NRP2: variants seen among roughly 807,000 people sequenced by gnomAD.
The protein encoded by NRP2 is neuropilin 2.
In NRP2, 52 loss-of-function variants were observed where a neutral mutation model predicts 110.4. The ratio of observed to expected loss-of-function variants is 0.47; its 90% CI spans 0.38 to 0.59. The LOEUF (loss-of-function observed/expected upper bound fraction) is 0.59, where lower values mean the gene tolerates loss of function less well. Among genes scored for constraint, NRP2 ranks in the 20% least tolerant of loss-of-function variants. The pLI, the probability that NRP2 is intolerant of heterozygous loss-of-function variation, is 0.00. For missense variants in NRP2, 1,049 were observed against 1,203.0 expected (o/e 0.87, Z 1.89); for synonymous variants, 508 against 468.9 (o/e 1.08, Z -1.08).
intron 7 of NRP2, among the ~76,000 whole-genome samples, chr2:205,730,961 G>A (rs1235884433): frequency 6.6e-6 from 1 of 152,198 alleles, no homozygotes; most frequent in Non-Finnish European, 1.5e-5. Flanking sequence ...CATCCAACAG[G>A]TCATCATGAG....
At chr2:205,757,834 A>C (rs1182791388) in intron 12 of NRP2, among the ~76,000 whole-genome samples, 1 of 152,176 alleles carries the variant, frequency 6.6e-6, no homozygotes, top group East Asian at 1.9e-4. Context: ...TTCTTTAAGG[A>C]AGGTAGAAAA....
In NRP2 at chr2:205,794,272, G is replaced by A. The variant is rs909071211; in HGVS notation, c.2477-482G>A. 1.1e-4 allele frequency among the ~76,000 whole-genome samples: 17 copies of A among 151,964 alleles called. 1 individual carries two copies. In the East Asian group the frequency reaches 2.3e-3, roughly 21 times the overall value. On this transcript the variant is annotated intron_variant, in intron 16 of 16. Coordinates refer to ENST00000357785, the MANE Select transcript of NRP2 (RefSeq NM_003872.3). ...ACTACAGGCGCCCGCCACCACGCCC[G>A]GCTAATTTTTTGTATTTTTAGTAGA...
intron 2 of NRP2, among the ~76,000 whole-genome samples, chr2:205,710,470 A>G (rs1575569452): frequency 6.6e-6 from 1 of 152,264 alleles, no homozygotes; most frequent in Non-Finnish European, 1.5e-5. Flanking sequence ...AAATGTGAAC[A>G]GTTTGCAGAT....
At position 205,722,356 on chromosome 2, in the gene NRP2, C is replaced by A. The variant is rs2057037833; in HGVS notation, c.434-122C>A. ...GAGTATGTTGCTTCAAGGGCCACTC[C>A]AGTAGCAACAAAAACCTCAAGAGCA... On this transcript the variant is annotated intron_variant, in intron 3 of 16. Transcript: ENST00000357785. 8.9e-6 allele frequency: 7 copies of A among 786,228 alleles called. No individual in the cohort carries two copies. In the South Asian group the frequency reaches 1.0e-4, roughly 11 times the overall value. 48.7% of individuals were successfully genotyped at this position (786,228 alleles called of 1,614,324 possible). A position where few individuals can be genotyped will look rare whatever the true frequency, so the allele number is the denominator to read the frequency against.
At chr2:205,791,743 A>G (rs1197413961) in intron 15 of NRP2, among the ~76,000 whole-genome samples, 1 of 151,554 alleles carries the variant, frequency 6.6e-6, no homozygotes. Flanking sequence ...CTCTTAAATT[A>G]AAACATATAA....
chr2:205,765,809 T>C (rs936813358), intron 14 of NRP2: 2 of 642,660 alleles, frequency 3.1e-6, no homozygotes, highest in African/African-American at 1.8e-5. Flanking sequence ...AGACATGCAC[T>C]AAGTACATAG....
intron 7 of NRP2, among the ~76,000 whole-genome samples, chr2:205,735,573 G>A (rs1408689578): frequency 9.8e-6 from 1 of 102,042 alleles, no homozygotes; most frequent in African/African-American, 3.7e-5. Context: ...ATGCCTTGTG[G>A]ACTCACAGGA....
intron 14 of NRP2, among the ~76,000 whole-genome samples, chr2:205,765,998 C>T (rs1334196060): frequency 6.6e-6 from 1 of 152,156 alleles, no homozygotes; most frequent in Non-Finnish European, 1.5e-5. Context: ...ACACAATTAC[C>T]TGAGTAGTTA....
intron 10 of NRP2, among the ~76,000 whole-genome samples, chr2:205,749,049 T>TG (rs1342865196): frequency 6.6e-6 from 1 of 152,160 alleles, no homozygotes; most frequent in African/African-American, 2.4e-5. Flanking sequence ...GCTTTCTTGT[T>TG]GGGGGAAGGA....
intron 7 of NRP2, among the ~76,000 whole-genome samples, chr2:205,735,151 C>G (rs903554583): frequency 3.3e-5 from 5 of 152,136 alleles, no homozygotes; most frequent in South Asian, 2.1e-4. Flanking sequence ...GGCATGATGA[C>G]AGGTAGCATC....
chr2:205,791,808 AAAGAC>A (rs1170059771), intron 15 of NRP2, among the ~76,000 whole-genome samples: 1 of 152,214 alleles, frequency 6.6e-6, no homozygotes, highest in Non-Finnish European at 1.5e-5. Context: ...TCCAGAGGAG[AAAGAC>A]TCTGATGCTT....
Position 205,725,594 on chromosome 2 carries a change from T to A in NRP2, c.821-319T>A, listed in dbSNP as rs1406518634. Among the ~76,000 whole-genome samples, 1 of 152,226 alleles carries A rather than the reference T, an allele frequency of 6.6e-6. No homozygotes were observed. Among genetic ancestry groups the A allele is most frequent in the Non-Finnish European group, 1.5e-5 (1 of 68,028 alleles). ...TATCTCACATTTACCTGTATTGCAG[T>A]AATGGTGCATCTGGCATCTGTAGCC... On this transcript the variant is annotated intron_variant, in intron 5 of 16. Coordinates refer to ENST00000357785, the MANE Select transcript of NRP2 (RefSeq NM_003872.3). This position sits in a 1 kb window ranked among gnomAD's most constrained non-coding sequence, Gnocchi z 4.1.
rs1158345889 is a variant in NRP2, at chr2:205,725,057, T to A, written c.821-856T>A. Among the ~76,000 whole-genome samples the A allele has an allele frequency of 6.6e-6, 1 of 152,172 alleles. No individual in the cohort carries two copies. The highest frequency in any genetic ancestry group is 1.5e-5 in the Non-Finnish European group (1 of 68,032). On this transcript the variant is annotated intron_variant, in intron 5 of 16. Transcript: ENST00000357785. This position sits in a 1 kb window ranked among gnomAD's most constrained non-coding sequence, Gnocchi z 4.1. ...GATTGCAGACAACTCACCATATATATAACTACAGACACGGCAGCCTGGCCT... is the reference window on the plus strand; with the variant it reads ...GATTGCAGACAACTCACCATATATAAAACTACAGACACGGCAGCCTGGCCT...
rs1312181057 is a variant in NRP2 at position 205,722,724 on chromosome 2, A to G, written c.664+16A>G. 2.5e-6 allele frequency: 4 copies of G among 1,598,778 alleles called. No individual in the cohort carries two copies. The highest frequency in any genetic ancestry group is 2.6e-6 in the Non-Finnish European group (3 of 1,166,180). On this transcript the variant is annotated intron_variant, in intron 4 of 16. Coordinates refer to ENST00000357785, the MANE Select transcript of NRP2 (RefSeq NM_003872.3). Reference sequence around the variant, plus strand: ...ATTCCACATGGTGAGTGATGTCATGAGGCATTCCTCAGTAGCTTGGCCTTT... The same window carrying G: ...ATTCCACATGGTGAGTGATGTCATGGGGCATTCCTCAGTAGCTTGGCCTTT...
intron 11 of NRP2, among the ~76,000 whole-genome samples, chr2:205,750,882 A>G (rs1210279027): frequency 6.6e-6 from 1 of 152,230 alleles, no homozygotes; most frequent in Non-Finnish European, 1.5e-5. Flanking sequence ...GAAAATGGCT[A>G]CAAAGAAGAA....
Position 205,743,395 on chromosome 2 carries a change from C to G in NRP2, c.1484C>G (p.Pro495Arg). The change falls in exon 9 of 17, where the codon CCC (proline) becomes CGC (arginine). Residue 495 changes from proline (P) to arginine (R), a missense_variant. Coordinates refer to ENST00000357785, the MANE Select transcript of NRP2 (RefSeq NM_003872.3). ...EEWLQVDLGT[P>R]KTVKGVIIQG... ...TGGCTTCAGGTAGATCTGGGAACAC[C>G]CAAGACAGTGAAAGGTGTCATCATC... 6.2e-7 allele frequency: 1 copy of G among 1,614,238 alleles called. No homozygotes were observed. The highest frequency in any genetic ancestry group is 8.5e-7 in the Non-Finnish European group (1 of 1,180,040).
In NRP2 at chr2:205,795,906, G is replaced by A. The variant is rs1379046918; in HGVS notation, c.*848G>A. The A allele has an allele frequency of 1.3e-5, 2 of 152,478 alleles. No homozygotes were observed. Among genetic ancestry groups the A allele is most frequent in the Non-Finnish European group, 2.9e-5 (2 of 68,126 alleles). 9.4% of individuals were successfully genotyped at this position (152,478 alleles called of 1,614,324 possible). A position where few individuals can be genotyped will look rare whatever the true frequency, so the allele number is the denominator to read the frequency against. Reference sequence around the variant, plus strand: ...GTGGGGCTTCCCTTGTGGGGCTTCTGGTGGTGGTTTTGCCTTTTCTTTTCC... The same window carrying A: ...GTGGGGCTTCCCTTGTGGGGCTTCTAGTGGTGGTTTTGCCTTTTCTTTTCC... On this transcript the variant is annotated 3_prime_UTR_variant, in exon 17 of 17. Transcript: ENST00000357785.
intron 7 of NRP2, among the ~76,000 whole-genome samples, chr2:205,733,427 A>G (rs1452387120): frequency 6.6e-6 from 1 of 152,106 alleles, no homozygotes; most frequent in Non-Finnish European, 1.5e-5. Flanking sequence ...CCTTGCCCCA[A>G]CCCCAACTAA....
intron 7 of NRP2, 29 bp from the exon 8 acceptor site, chr2:205,740,490 A>G: frequency 6.2e-7 from 1 of 1,614,070 alleles, no homozygotes; most frequent in Non-Finnish European, 8.5e-7. Context: ...AGGGGTTTCA[A>G]TAACATGGTT....
Sources: allele counts gnomAD v4.1 joint callset (sites outside exome capture counted in the v4.1 genomes callset), GRCh38; gene constraint gnomAD v4.1.1; non-coding constraint Gnocchi (gnomAD v3.1); transcripts MANE v1.5; gene names NCBI Gene and HGNC (gene_info 2026-07-23, HGNC 2026-07-21).